Variants in DLG2 observed in about 807,000 individuals in gnomAD.
DLG2 encodes the protein discs large MAGUK scaffold protein 2, also known as disks large homolog 2.
In DLG2, 45 loss-of-function variants were observed where a neutral mutation model predicts 132.5. The observed-to-expected ratio is 0.34, with a 90% CI of 0.27 to 0.44. The LOEUF is 0.44. Among genes scored for constraint, DLG2 ranks in the 20% least tolerant of loss-of-function variants. The probability of loss-of-function intolerance (pLI) is 1.00; values close to 1 mark genes in which losing one functional copy is unlikely to be tolerated. For missense variants in DLG2, 1,045 were observed against 1,196.9 expected (o/e 0.87, Z 1.87); for synonymous variants, 424 against 419.6 (o/e 1.01, Z -0.13).
chr11:83,558,858 T>TGTGC (rs2096564306), intron 19 of DLG2, among the ~76,000 whole-genome samples: 1 of 140,650 alleles, frequency 7.1e-6, no homozygotes, highest in African/African-American at 3.2e-5. Flanking sequence ...CGTGTGTGTG[T>TGTGC]GTGTGTGTGT....
At chr11:85,070,674 A>G (rs910541811) in intron 6 of DLG2, among the ~76,000 whole-genome samples, 1 of 151,822 alleles carries the variant, frequency 6.6e-6, no homozygotes. Context: ...TTTACTACAA[A>G]GACTGTGCTT....
At chr11:84,229,650 G>A (rs991726690) in intron 8 of DLG2, among the ~76,000 whole-genome samples, 1 of 152,168 alleles carries the variant, frequency 6.6e-6, no homozygotes, top group Non-Finnish European at 1.5e-5. Flanking sequence ...TAATGCCACT[G>A]GTTTGAAGAC....
intron 6 of DLG2, among the ~76,000 whole-genome samples, chr11:84,659,076 T>C (rs1400411567): frequency 6.6e-6 from 1 of 152,212 alleles, no homozygotes; most frequent in African/African-American, 2.4e-5. Context: ...TATAGTATTC[T>C]GTTATCACAG....
At chr11:85,501,732 C>A (rs1473871334) in intron 3 of DLG2, among the ~76,000 whole-genome samples, 1 of 152,076 alleles carries the variant, frequency 6.6e-6, no homozygotes, top group Non-Finnish European at 1.5e-5. Context: ...CCATCTCACA[C>A]CAGTCAGAAT....
intron 6 of DLG2, among the ~76,000 whole-genome samples, chr11:84,682,582 G>A (rs1466656375): frequency 6.6e-6 from 1 of 152,170 alleles, no homozygotes; most frequent in Non-Finnish European, 1.5e-5. Flanking sequence ...AGAGCTGAAG[G>A]CTAACAGCTC....
At chr11:85,602,423 GTTTT>G (rs2080232831) in intron 2 of DLG2, among the ~76,000 whole-genome samples, 1 of 151,264 alleles carries the variant, frequency 6.6e-6, no homozygotes, top group African/African-American at 2.4e-5. Flanking sequence ...TTGTTTGTTT[GTTTT>G]GTTTTTTGTT....
At chr11:84,943,692 T>C (rs1219074751) in intron 6 of DLG2, among the ~76,000 whole-genome samples, 1 of 152,208 alleles carries the variant, frequency 6.6e-6, no homozygotes, top group Non-Finnish European at 1.5e-5. Flanking sequence ...TATTATACTT[T>C]CTATGTCTCC....
intron 2 of DLG2, among the ~76,000 whole-genome samples, chr11:85,608,863 T>C (rs1301319193): frequency 6.6e-6 from 1 of 152,192 alleles, no homozygotes; most frequent in Non-Finnish European, 1.5e-5. Flanking sequence ...TGTCATGCTA[T>C]TGTTAGCTCA....
chr11:84,615,587 A>G (rs963057399), intron 6 of DLG2, among the ~76,000 whole-genome samples: 1 of 151,918 alleles, frequency 6.6e-6, no homozygotes, highest in Non-Finnish European at 1.5e-5. Context: ...TGTTGTATCC[A>G]GGCTGGCTGT....
At chr11:85,433,480 C>A (rs892747501) in intron 3 of DLG2, among the ~76,000 whole-genome samples, 1 of 152,052 alleles carries the variant, frequency 6.6e-6, no homozygotes, top group Non-Finnish European at 1.5e-5. Context: ...ATTTACCAAG[C>A]AAATGGAAAG....
rs1270479338 is a variant in DLG2 at position 84,293,313 on chromosome 11, T to C, written c.520-42022A>G. On this transcript the variant is annotated intron_variant, in intron 7 of 27. Coordinates refer to ENST00000376104, the MANE Select transcript of DLG2 (RefSeq NM_001142699.3). Reference sequence around the variant, plus strand: ...TCATTGATTCATTTTTTATCTCAACTTTTTTTTTTAGATTCCATGAAATAT... The same window carrying C: ...TCATTGATTCATTTTTTATCTCAACCTTTTTTTTTAGATTCCATGAAATAT... Among the ~76,000 whole-genome samples, 5 of 148,616 alleles carry C rather than the reference T, an allele frequency of 3.4e-5. No individual in the cohort carries two copies. The Admixed American group carries it at 3.4e-4, about 10-fold the overall frequency.
Position 84,714,549 on chromosome 11 carries a change from T to TTCTCTTTCTCTC in DLG2, c.358-179819_358-179818insGAGAGAAAGAGA, listed in dbSNP as rs1565748003. ...TTCCTCTTTCTCTTTCTCTTTCTCT[T>TTCTCTTTCTCTC]TCTCTCTCTTTCTCTTTCTCTTTCT... On this transcript the variant is annotated intron_variant, in intron 6 of 27. Coordinates refer to ENST00000376104, the MANE Select transcript of DLG2 (RefSeq NM_001142699.3). 2.2e-4 allele frequency among the ~76,000 whole-genome samples: 13 copies of TTCTCTTTCTCTC among 59,180 alleles called. 1 individual carries two copies. Among genetic ancestry groups the TTCTCTTTCTCTC allele is most frequent in the Admixed American group, 5.1e-4 (3 of 5,852 alleles). The allele number at this position is 59,180 out of a possible 152,430, so 38.8% of individuals were successfully genotyped here.
chr11:85,057,112 A>AT (rs60577500), intron 6 of DLG2, among the ~76,000 whole-genome samples: 5 of 151,780 alleles, frequency 3.3e-5, no homozygotes, highest in Non-Finnish European at 5.9e-5. Context: ...TAATACATAT[A>AT]TTTTTAAAAG....
intron 3 of DLG2, among the ~76,000 whole-genome samples, chr11:85,532,505 T>C (rs1439790338): frequency 6.6e-6 from 1 of 152,244 alleles, no homozygotes; most frequent in Non-Finnish European, 1.5e-5. Flanking sequence ...TCCTTTTCTA[T>C]GCCTTTGAAC....
At chr11:85,107,008 G>T (rs1344243967) in intron 6 of DLG2, among the ~76,000 whole-genome samples, 1 of 151,948 alleles carries the variant, frequency 6.6e-6, no homozygotes. Context: ...AAATCCAAGG[G>T]TCAGTTAAAA....
chr11:83,839,542 G>C (rs1468480299), intron 16 of DLG2, among the ~76,000 whole-genome samples: 1 of 152,080 alleles, frequency 6.6e-6, no homozygotes, highest in Non-Finnish European at 1.5e-5. Flanking sequence ...CATTCACATA[G>C]CCAGAAGCAT....
intron 4 of DLG2, among the ~76,000 whole-genome samples, chr11:85,155,567 T>TA (rs1191162314): frequency 3.3e-5 from 5 of 152,052 alleles, no homozygotes; most frequent in African/African-American, 1.2e-4. Context: ...TTCAACTGCA[T>TA]AATAAGGATT....
Position 85,316,337 on chromosome 11 carries a change from G to A in DLG2, c.41-30972C>T, listed in dbSNP as rs1252362216. Among the ~76,000 whole-genome samples, 10 of 151,832 alleles carry A rather than the reference G, an allele frequency of 6.6e-5. No homozygotes were observed. In the East Asian group the frequency reaches 9.6e-4, roughly 15 times the overall value. On this transcript the variant is annotated intron_variant, in intron 3 of 27. Transcript: ENST00000376104. ...GACATATTTCTATAATCTAAACACC[G>A]ATTTAAGCTATCCTGATGTTTAGTT...
intron 6 of DLG2, among the ~76,000 whole-genome samples, chr11:84,959,535 A>C (rs2052219685): frequency 2.0e-5 from 3 of 152,206 alleles, no homozygotes; most frequent in African/African-American, 7.2e-5. Flanking sequence ...TATTGGATAC[A>C]AGACCTCAGT....
Sources: gnomAD v4.1 joint callset for allele counts (sites outside exome capture counted in the v4.1 genomes callset) on GRCh38, gnomAD v4.1.1 for gene constraint, MANE v1.5 for transcripts, NCBI Gene and HGNC (gene_info 2026-07-23, HGNC 2026-07-21) for gene names.